TENM4: variants seen among roughly 807,000 people sequenced by gnomAD.
TENM4 encodes teneurin transmembrane protein 4.
TENM4 carries 82 observed loss-of-function variants against 243.3 expected under a neutral mutation model. The ratio of observed to expected loss-of-function variants is 0.34; its 90% confidence interval spans 0.28 to 0.40. The LOEUF (loss-of-function observed/expected upper bound fraction) is 0.40. Among genes scored for constraint, TENM4 ranks in the 10% least tolerant of loss-of-function variants. The pLI, the probability that TENM4 is intolerant of heterozygous loss-of-function variation, is 1.00. For missense variants in TENM4, 3,138 were observed against 3,673.3 expected (o/e 0.85, Z 3.77); for synonymous variants, 1,412 against 1,456.3 (o/e 0.97, Z 0.69).
chr11:78,913,580 GGTATGTGTGTGTGTGTGTGTGT>G (rs1262453834), intron 6 of TENM4, among the ~76,000 whole-genome samples: 1 of 126,350 alleles, frequency 7.9e-6, no homozygotes, highest in African/African-American at 3.0e-5. Flanking sequence ...ATGGGTAAGA[GGTATGTGTGTGTGTGTGTGTGT>G]GTGTGTGTGT....
intron 4 of TENM4, among the ~76,000 whole-genome samples, chr11:79,095,738 G>T (rs1187102863): frequency 6.6e-6 from 1 of 152,224 alleles, no homozygotes; most frequent in East Asian, 1.9e-4. Context: ...TCCATTTAAA[G>T]ACACATGCCC....
chr11:78,772,591 T>C (rs1393509677), intron 17 of TENM4, among the ~76,000 whole-genome samples: 3 of 151,970 alleles, frequency 2.0e-5, no homozygotes, highest in Non-Finnish European at 4.4e-5. Context: ...GGACAACAAA[T>C]GTGAAAGTGG....
At chr11:79,278,193 G>A (rs1313517852) in intron 2 of TENM4, among the ~76,000 whole-genome samples, 6 of 152,212 alleles carry the variant, frequency 3.9e-5, no homozygotes, top group Non-Finnish European at 8.8e-5. Flanking sequence ...TTGTTCCGAT[G>A]AGGATTCAAG....
chr11:79,255,700 G>C (rs1346883712), intron 2 of TENM4, among the ~76,000 whole-genome samples: 1 of 152,162 alleles, frequency 6.6e-6, no homozygotes, highest in Admixed American at 6.5e-5. Context: ...ATGGATAAAA[G>C]AAATCCACAG....
chr11:79,148,692 TA>T lies in TENM4; in HGVS notation c.-66+17del, dbSNP rs1237981523. 16 of 861,238 alleles carry T rather than the reference TA, an allele frequency of 1.9e-5. No homozygotes were observed. Among genetic ancestry groups the T allele is most frequent in the Non-Finnish European group, 2.0e-5 (14 of 717,018 alleles). The allele number at this position is 861,238 out of a possible 1,614,324, so 53.3% of individuals were successfully genotyped here. On this transcript the variant is annotated intron_variant, in intron 4 of 33. Transcript: ENST00000278550. ...TAAATCATGAATACTCTCTGAAGTGTAAAAAAAATCAACTCACTTTTCTTTA... is the reference window on the plus strand; with the variant it reads ...TAAATCATGAATACTCTCTGAAGTGTAAAAAAATCAACTCACTTTTCTTTA...
At chr11:78,762,242 C>T (rs1856446276) in intron 18 of TENM4, among the ~76,000 whole-genome samples, 1 of 152,272 alleles carries the variant, frequency 6.6e-6, no homozygotes, top group South Asian at 2.1e-4. Context: ...AGCAACTAAG[C>T]AAGTACTTGG....
intron 9 of TENM4, among the ~76,000 whole-genome samples, chr11:78,864,625 G>C (rs1858917853): frequency 6.6e-6 from 1 of 152,088 alleles, no homozygotes; most frequent in Non-Finnish European, 1.5e-5. Flanking sequence ...CAAAATATCT[G>C]CTTAAATCCC....
At chr11:79,138,563 A>AT (rs1257101481) in intron 4 of TENM4, among the ~76,000 whole-genome samples, 3,782 of 30,284 alleles carry the variant, frequency 0.12, 265 homozygotes, top group Non-Finnish European at 0.16. Flanking sequence ...ATATAAATAC[A>AT]TAAAACATAT....
chr11:78,929,058 C>T (rs72945639), intron 6 of TENM4, among the ~76,000 whole-genome samples: 11,936 of 152,260 alleles, frequency 0.078, 750 homozygotes, highest in African/African-American at 0.18. Context: ...AGGTACCTCC[C>T]TGCACCTGCA....
intron 15 of TENM4, among the ~76,000 whole-genome samples, chr11:78,798,177 T>G (rs1437445194): frequency 6.6e-6 from 1 of 152,250 alleles, no homozygotes; most frequent in Non-Finnish European, 1.5e-5. Context: ...ATATTTTGCC[T>G]CGTAAATAAA....
chr11:78,869,920 C>T (rs1565415488), intron 9 of TENM4, among the ~76,000 whole-genome samples: 2 of 152,144 alleles, frequency 1.3e-5, no homozygotes, highest in South Asian at 4.1e-4. Context: ...GCATGGGCCC[C>T]CATCCTTTCA....
At chr11:79,197,205 C>T (rs1449572332) in intron 3 of TENM4, among the ~76,000 whole-genome samples, 1 of 150,444 alleles carries the variant, frequency 6.6e-6, no homozygotes, top group African/African-American at 2.4e-5. Flanking sequence ...CTGGAAGGGA[C>T]TGGGGATTGT....
chr11:79,370,990 T>A (rs1172923500), intron 1 of TENM4, among the ~76,000 whole-genome samples: 1 of 152,016 alleles, frequency 6.6e-6, no homozygotes, highest in Non-Finnish European at 1.5e-5. Flanking sequence ...GGACAAAGGA[T>A]GTGGAGAAGT....
At chr11:78,899,558 G>C (rs1285626385) in intron 7 of TENM4, among the ~76,000 whole-genome samples, 12 of 99,960 alleles carry the variant, frequency 1.2e-4, no homozygotes, top group African/African-American at 5.9e-4. Context: ...GTCTCAAAAA[G>C]CGGGGGGGGG....
At chr11:78,966,182 T>C (rs1346581490) in intron 6 of TENM4, among the ~76,000 whole-genome samples, 2 of 119,252 alleles carry the variant, frequency 1.7e-5, no homozygotes, top group Non-Finnish European at 3.5e-5. Flanking sequence ...TACACCTTTA[T>C]AAAGGAAAAT....
chr11:79,024,750 G>A (rs1167879130), intron 6 of TENM4, among the ~76,000 whole-genome samples: 1 of 152,184 alleles, frequency 6.6e-6, no homozygotes, highest in African/African-American at 2.4e-5. Context: ...CGTGTGTATG[G>A]TGCCTTTATG....
intron 4 of TENM4, among the ~76,000 whole-genome samples, chr11:79,117,963 G>T (rs756286411): frequency 2.6e-5 from 4 of 152,174 alleles, no homozygotes; most frequent in Non-Finnish European, 5.9e-5. Context: ...GTTATGAAAA[G>T]GCTTGGCAAA....
At chr11:78,931,394 C>T (rs1856665882) in intron 6 of TENM4, among the ~76,000 whole-genome samples, 1 of 152,214 alleles carries the variant, frequency 6.6e-6, no homozygotes, top group African/African-American at 2.4e-5. Context: ...GTTTGTCTGA[C>T]TCTAAAATAC....
At chr11:79,346,619 A>C (rs1278197212) in intron 1 of TENM4, among the ~76,000 whole-genome samples, 1 of 152,142 alleles carries the variant, frequency 6.6e-6, no homozygotes, top group Non-Finnish European at 1.5e-5. Context: ...CCCTGTTCCC[A>C]AAGCCAAGTT....
Sources: allele counts gnomAD v4.1 joint callset (sites outside exome capture counted in the v4.1 genomes callset), GRCh38; gene constraint gnomAD v4.1.1; transcripts MANE v1.5; gene names NCBI Gene and HGNC (gene_info 2026-07-23, HGNC 2026-07-21).